The following LRRC9 variants were observed in gnomAD, a reference collection of about 807,000 sequenced individuals.
LRRC9 encodes the protein leucine rich repeat containing 9, also known as leucine-rich repeat-containing protein 9.
LRRC9 carries 122 observed loss-of-function variants against 63.2 expected under a neutral mutation model. The ratio of observed to expected loss-of-function variants is 1.93; its 90% CI spans 1.67 to 2.24. LRRC9 has a LOEUF of 2.24. Among genes scored for constraint, LRRC9 ranks in the 30% most tolerant of loss-of-function variants. The pLI is 0.00. For synonymous variants in LRRC9, 366 were observed against 213.1 expected, an observed-to-expected ratio of 1.72 and a Z score of -6.25; for missense variants, 1,071 against 627.7, an observed-to-expected ratio of 1.71 and a Z score of -7.55.
At chr14:60,012,022 TA>T (rs1890299565) in intron 23 of LRRC9, among the ~76,000 whole-genome samples, 1 of 152,172 alleles carries the variant, frequency 6.6e-6, no homozygotes, top group Non-Finnish European at 1.5e-5. Context: ...CAATATTGTC[TA>T]AGGAAAGAGA....
Position 60,027,267 on chromosome 14 carries a change from G to A in LRRC9, c.3704-617G>A, listed in dbSNP as rs1891630655. 1.3e-5 allele frequency among the ~76,000 whole-genome samples: 2 copies of A among 151,878 alleles called. No individual in the cohort carries two copies. Among genetic ancestry groups the A allele is most frequent in the African/African-American group, 4.8e-5 (2 of 41,378 alleles). ...AATAGAAAATACTGTACATATAAAA[G>A]CATTTTGTAAATTGGAGAGTCTTCA... On this transcript the variant is annotated intron_variant, in intron 27 of 31. Coordinates refer to ENST00000445360, the Ensembl canonical transcript of LRRC9. This position sits in a 1 kb window ranked among gnomAD's most constrained non-coding sequence, Gnocchi z 4.0.
At position 59,938,277 on chromosome 14, in the gene LRRC9, A is replaced by G; in HGVS notation, c.544-113A>G. The G allele has an allele frequency of 2.0e-6, 1 of 496,424 alleles. No homozygotes were observed. Among genetic ancestry groups the G allele is most frequent in the Non-Finnish European group, 3.5e-6 (1 of 282,608 alleles). 30.8% of individuals were successfully genotyped at this position (496,424 alleles called of 1,614,324 possible). A position where few individuals can be genotyped will look rare whatever the true frequency, so the allele number is the denominator to read the frequency against. On this transcript the variant is annotated intron_variant, in intron 6 of 31. Transcript: ENST00000445360. This position sits in a 1 kb window ranked among gnomAD's most constrained non-coding sequence, Gnocchi z 4.2. ...TTAGGCATCTAAATCACTTTAATGT[A>G]TTTAAGCGCATAATTAGAATGCATT...
rs114213679 is a variant in LRRC9, at chr14:60,045,393, C to T, written c.3991-7672C>T. On this transcript the variant is annotated intron_variant, in intron 29 of 31. Coordinates refer to ENST00000445360, the Ensembl canonical transcript of LRRC9. ...ATCACCTAGGTATTAAGCCAAGCAT[C>T]TATTAGCTATTCTTCCTGATGGCCT... Among the ~76,000 whole-genome samples, 1,453 of 152,264 alleles carry T rather than the reference C, an allele frequency of 9.5e-3. 27 individuals carry two copies. Among genetic ancestry groups the T allele is most frequent in the African/African-American group, 0.033 (1,372 of 41,544 alleles).
chr14:59,975,137 A>G (rs1158436956), intron 13 of LRRC9, among the ~76,000 whole-genome samples: 1 of 11,558 alleles, frequency 8.7e-5, no homozygotes, highest in Non-Finnish European at 3.5e-4. Flanking sequence ...GTATATATAT[A>G]TACATATATA....
intron 29 of LRRC9, among the ~76,000 whole-genome samples, chr14:60,050,332 G>C (rs545353735): frequency 6.6e-6 from 1 of 152,128 alleles, no homozygotes; most frequent in Non-Finnish European, 1.5e-5. Context: ...CAACCTCTGA[G>C]ATCCTTTCAC....
Position 59,961,337 on chromosome 14 carries a change from G to GA in LRRC9, c.1211+301dup, listed in dbSNP as rs1032051526. Among the ~76,000 whole-genome samples, 6 of 151,346 alleles carry GA rather than the reference G, an allele frequency of 4.0e-5. No homozygotes were observed. In the South Asian group the frequency reaches 6.2e-4, roughly 16 times the overall value. ...TAGCCCAAGAGCAGAATATAATTTA[G>GA]AAAAAAAAATTTATAATCAAGTTTT... is the stretch of plus-strand genomic sequence containing the variant. On this transcript the variant is annotated intron_variant, in intron 10 of 31. Transcript: ENST00000445360.
At chr14:59,935,513 C>G (rs1890071340) in intron 6 of LRRC9, among the ~76,000 whole-genome samples, 1 of 152,096 alleles carries the variant, frequency 6.6e-6, no homozygotes, top group African/African-American at 2.4e-5. Context: ...CCTATCAATT[C>G]CTCTTTTAGG....
At chr14:60,052,849 G>A (rs182281800) in intron 29 of LRRC9, among the ~76,000 whole-genome samples, 1 of 152,286 alleles carries the variant, frequency 6.6e-6, no homozygotes, top group Admixed American at 6.5e-5. Context: ...TTTAAAAGGA[G>A]GCTGAACCTC....
At chr14:60,002,489 T>C (rs565307871) in intron 20 of LRRC9, among the ~76,000 whole-genome samples, 2 of 152,340 alleles carry the variant, frequency 1.3e-5, no homozygotes, top group South Asian at 4.1e-4. Flanking sequence ...TTAGAGTTCA[T>C]ATATAATTGA....
At chr14:59,963,679 A>G (rs556870067) in intron 10 of LRRC9, among the ~76,000 whole-genome samples, 12 of 152,308 alleles carry the variant, frequency 7.9e-5, no homozygotes, top group Admixed American at 5.9e-4. Context: ...ATATCACTTT[A>G]TAGATACACA....
At chr14:59,985,369 A>C (rs1318605025) in intron 17 of LRRC9, 145 bp downstream of exon 17, 5 of 466,712 alleles carry the variant, frequency 1.1e-5, no homozygotes, top group Non-Finnish European at 1.5e-5. Flanking sequence ...GACAAGTTCT[A>C]GGTATCTGAT....
chr14:60,006,270 T>C, intron 21 of LRRC9, 127 bp from the exon 22 acceptor site: 1 of 574,250 alleles, frequency 1.7e-6, no homozygotes, highest in Non-Finnish European at 3.1e-6. Flanking sequence ...TGATGGTTAG[T>C]ATTACAGAAT....
chr14:60,018,763 C>T (rs1406387277), intron 25 of LRRC9, among the ~76,000 whole-genome samples: 4 of 151,836 alleles, frequency 2.6e-5, no homozygotes, highest in Non-Finnish European at 2.9e-5. Context: ...GTTCTTTAAA[C>T]GGCCTTATTG....
At chr14:59,998,573 C>G (rs1278352381) in intron 18 of LRRC9, among the ~76,000 whole-genome samples, 1 of 152,004 alleles carries the variant, frequency 6.6e-6, no homozygotes, top group Non-Finnish European at 1.5e-5. Context: ...CTGTGTTCAG[C>G]CTTTAAAAAG....
chr14:59,974,064 G>C (rs1885833998), intron 12 of LRRC9, among the ~76,000 whole-genome samples: 1 of 151,998 alleles, frequency 6.6e-6, no homozygotes, highest in Non-Finnish European at 1.5e-5. Flanking sequence ...CAAGTAATGT[G>C]AACATTACCG....
chr14:59,946,587 T>A (rs1351578725), intron 8 of LRRC9, among the ~76,000 whole-genome samples: 1 of 148,320 alleles, frequency 6.7e-6, no homozygotes, highest in African/African-American at 2.5e-5. Context: ...ACATGTGCCA[T>A]GCTGGTGCGC....
intron 29 of LRRC9, among the ~76,000 whole-genome samples, chr14:60,045,615 T>C (rs1893356322): frequency 6.6e-6 from 1 of 152,262 alleles, no homozygotes. Context: ...CATTCCTTTT[T>C]ATGACTGAAT....
At chr14:60,029,951 G>GA (rs11325560) in intron 28 of LRRC9, among the ~76,000 whole-genome samples, 7 of 151,474 alleles carry the variant, frequency 4.6e-5, no homozygotes, top group African/African-American at 1.2e-4. Flanking sequence ...ATTTAGCTGA[G>GA]AAAAAAAAAT....
intron 23 of LRRC9, among the ~76,000 whole-genome samples, chr14:60,009,945 G>C (rs1221879479): frequency 6.6e-6 from 1 of 152,180 alleles, no homozygotes; most frequent in Non-Finnish European, 1.5e-5. Flanking sequence ...CAAGAGGCGG[G>C]CTCCCACAGC....
Sources: gnomAD v4.1 joint callset for allele counts (sites outside exome capture counted in the v4.1 genomes callset) on GRCh38, gnomAD v4.1.1 for gene constraint, Gnocchi (gnomAD v3.1) non-coding constraint, MANE v1.5 for transcripts, NCBI Gene and HGNC (gene_info 2026-07-23, HGNC 2026-07-21) for gene names.